The following MUSK variants were observed in gnomAD, a reference collection of about 807,000 sequenced individuals.
The protein encoded by MUSK is muscle associated receptor tyrosine kinase, also known as muscle, skeletal receptor tyrosine-protein kinase.
MUSK carries 55 observed loss-of-function variants against 88.7 expected under a neutral mutation model. That is an observed-to-expected ratio of 0.62 (90% CI 0.50 to 0.78). The LOEUF (loss-of-function observed/expected upper bound fraction) is 0.78. Among genes scored for constraint, MUSK ranks in the 30% least tolerant of loss-of-function variants. The probability of loss-of-function intolerance (pLI) is 0.00; values close to 1 mark genes in which losing one functional copy is unlikely to be tolerated. For missense variants in MUSK, 1,015 were observed against 1,074.3 expected, an observed-to-expected ratio of 0.94 and a Z score of 0.77; for synonymous variants, 387 against 391.9, an observed-to-expected ratio of 0.99 and a Z score of 0.15.
In MUSK at chr9:110,717,175, T is replaced by G. The variant is rs760427801; in HGVS notation, c.629-17076T>G. Among the ~76,000 whole-genome samples the G allele has an allele frequency of 1.0e-4, 15 of 149,864 alleles. 1 individual carries two copies. Among genetic ancestry groups the G allele is most frequent in the Non-Finnish European group, 2.2e-4 (15 of 67,864 alleles). On this transcript the variant is annotated intron_variant, in intron 5 of 14. Transcript: ENST00000374448. Reference sequence around the variant, plus strand: ...CATGTATTATGCTGTTTCTTTTCTCTGCTTCTTTTTTTAATTCCTTTTCTG... The same window carrying G: ...CATGTATTATGCTGTTTCTTTTCTCGGCTTCTTTTTTTAATTCCTTTTCTG...
intron 3 of MUSK, among the ~76,000 whole-genome samples, chr9:110,689,674 T>TATAATATATAACTATATATATATAA (rs370936018): frequency 0.01 from 731 of 72,362 alleles, 27 homozygotes; most frequent in East Asian, 0.049. Flanking sequence ...CATAGTATAT[T>TATAATATATAACTATATATATATAA]ATATATAACT....
chr9:110,760,138 T>C (rs1268943338), intron 7 of MUSK, among the ~76,000 whole-genome samples: 1 of 152,222 alleles, frequency 6.6e-6, no homozygotes, highest in Non-Finnish European at 1.5e-5. Flanking sequence ...TCAACCACTG[T>C]GGAAAGCAGT....
At chr9:110,723,964 T>G (rs922993337) in intron 5 of MUSK, among the ~76,000 whole-genome samples, 1 of 152,008 alleles carries the variant, frequency 6.6e-6, no homozygotes, top group Non-Finnish European at 1.5e-5. Flanking sequence ...TTAGTTAATC[T>G]TTCACATTTC....
chr9:110,803,255 C>T lies in MUSK; in HGVS notation c.*2267C>T, dbSNP rs983972343. Among the ~76,000 whole-genome samples the T allele has an allele frequency of 6.6e-6, 1 of 152,162 alleles. No individual in the cohort carries two copies. Among genetic ancestry groups the T allele is most frequent in the African/African-American group, 2.4e-5 (1 of 41,444 alleles). The stretch of plus-strand genomic sequence containing the variant: ...GGCCTTTAAATATATGAACTTAAAC[C>T]TCACAACATCCCTGTAATGTTGGTA... On this transcript the variant is annotated 3_prime_UTR_variant, in exon 15 of 15. Coordinates refer to ENST00000374448, the MANE Select transcript of MUSK (RefSeq NM_005592.4).
intron 5 of MUSK, among the ~76,000 whole-genome samples, chr9:110,705,014 A>G (rs2076578398): frequency 6.6e-6 from 1 of 151,554 alleles, no homozygotes; most frequent in Admixed American, 6.6e-5. Flanking sequence ...AAAGAAAATT[A>G]TATGGGGGGT....
At chr9:110,695,610 T>C (rs2131714690) in intron 4 of MUSK, 80 bp downstream of exon 4, 1 of 1,161,824 alleles carries the variant, frequency 8.6e-7, no homozygotes, top group Non-Finnish European at 1.2e-6. Flanking sequence ...AGTTACACAC[T>C]TACAAACTTC....
chr9:110,689,097 AAT>A (rs1034497372), intron 3 of MUSK, among the ~76,000 whole-genome samples: 19 of 137,220 alleles, frequency 1.4e-4, no homozygotes, highest in African/African-American at 3.5e-4. Flanking sequence ...TTTACATTTA[AAT>A]ATATAGTTTT....
At chr9:110,682,848 T>A (rs1034816155) in intron 2 of MUSK, 48 bp downstream of exon 2, 6 of 1,323,630 alleles carry the variant, frequency 4.5e-6, no homozygotes, top group Non-Finnish European at 6.4e-6. Context: ...GGGTATATAG[T>A]AGGTGTATAT....
intron 5 of MUSK, among the ~76,000 whole-genome samples, chr9:110,725,639 C>T (rs1269293231): frequency 6.6e-6 from 1 of 151,920 alleles, no homozygotes. Context: ...TGGCAAATAA[C>T]TTGTTTAACA....
intron 7 of MUSK, among the ~76,000 whole-genome samples, chr9:110,750,166 C>T (rs2077229952): frequency 6.6e-6 from 1 of 152,160 alleles, no homozygotes; most frequent in Admixed American, 6.5e-5. Flanking sequence ...CCTGCACTTT[C>T]ACTGGCAGAA....
Position 110,761,567 on chromosome 9 carries a change from CTTTTTTT to C in MUSK, c.914-615_914-609del, listed in dbSNP as rs1168716499. Among the ~76,000 whole-genome samples the C allele has an allele frequency of 7.6e-5, 4 of 52,734 alleles. No individual in the cohort carries two copies. The East Asian group carries it at 1.9e-3, about 25-fold the overall frequency. The allele number at this position is 52,734 out of a possible 152,430, so 34.6% of individuals were successfully genotyped here. A position where few individuals can be genotyped will look rare whatever the true frequency, so the allele number is the denominator to read the frequency against. On this transcript the variant is annotated intron_variant, in intron 7 of 14. Coordinates refer to ENST00000374448, the MANE Select transcript of MUSK (RefSeq NM_005592.4). ...CTTCTCTGTTAACCTCCACATCTTG[CTTTTTTT>C]TTTTTTTTTTTTTTTTTTTGAGACG...
At chr9:110,729,044 C>T (rs904200340) in intron 5 of MUSK, among the ~76,000 whole-genome samples, 2 of 151,180 alleles carry the variant, frequency 1.3e-5, no homozygotes, top group Non-Finnish European at 3.0e-5. Context: ...AGAAAGATAC[C>T]CTTTGACTAA....
At chr9:110,728,528 T>C (rs2076918387) in intron 5 of MUSK, among the ~76,000 whole-genome samples, 1 of 152,132 alleles carries the variant, frequency 6.6e-6, no homozygotes, top group African/African-American at 2.4e-5. Flanking sequence ...CAGTTTTCCT[T>C]GATTGCATTT....
chr9:110,775,822 G>T lies in MUSK; in HGVS notation c.1219G>T (p.Ala407Ser). The T allele has an allele frequency of 1.9e-6, 3 of 1,613,754 alleles. No homozygotes were observed. Among genetic ancestry groups the T allele is most frequent in the Non-Finnish European group, 2.5e-6 (3 of 1,179,796 alleles). The change falls in exon 10 of 15, where the codon GCA (alanine) becomes TCA (serine). Residue 407 changes from alanine to serine, a missense_variant. Ala to Ser is a moderately conservative substitution (Grantham distance 99). Coordinates refer to ENST00000374448, the MANE Select transcript of MUSK (RefSeq NM_005592.4). ...YCLAVKELFC[A>S]KEWLVMEEKT... Reference sequence around the variant, plus strand: ...CTTGGCAGTAAAGGAGCTCTTCTGCGCAAAAGAATGGCTGGTAATGGAAGA... The same window carrying T: ...CTTGGCAGTAAAGGAGCTCTTCTGCTCAAAAGAATGGCTGGTAATGGAAGA...
chr9:110,687,084 C>G (rs139108780), intron 2 of MUSK, 33 bp from the exon 3 acceptor site: 1,483 of 1,597,454 alleles, frequency 9.3e-4, no homozygotes, highest in Non-Finnish European at 1.2e-3. Context: ...ACAGAGGAAG[C>G]ACTAATCTGT....
chr9:110,723,152 T>C (rs1369448324), intron 5 of MUSK, among the ~76,000 whole-genome samples: 1 of 151,034 alleles, frequency 6.6e-6, no homozygotes, highest in African/African-American at 2.4e-5. Context: ...AATCAACCAG[T>C]GGATAAAGAA....
rs2076149895 is a variant in MUSK, at chr9:110,682,820, A to T, written c.206+20A>T. The T allele has an allele frequency of 6.3e-7, 1 of 1,584,374 alleles. No individual in the cohort carries two copies. The highest frequency in any genetic ancestry group is 8.6e-7 in the Non-Finnish European group (1 of 1,158,900). The stretch of plus-strand genomic sequence containing the variant: ...CATTAAGTAAGTATTCCACATTTTA[A>T]TTTTTTTAAATTTTTGTGGGTATAT... On this transcript the variant is annotated intron_variant, in intron 2 of 14. Coordinates refer to ENST00000374448, the MANE Select transcript of MUSK (RefSeq NM_005592.4).
intron 5 of MUSK, among the ~76,000 whole-genome samples, chr9:110,714,516 G>A (rs1332607729): frequency 6.6e-6 from 1 of 152,114 alleles, no homozygotes. Context: ...GAGCCACAGT[G>A]GGTAAACCTC....
chr9:110,722,698 G>GAA (rs150398315), intron 5 of MUSK, among the ~76,000 whole-genome samples: 6 of 148,722 alleles, frequency 4.0e-5, no homozygotes, highest in African/African-American at 9.9e-5. Context: ...GAAACAGCAA[G>GAA]AAAAAAAAAA....
Sources: allele counts gnomAD v4.1 joint callset (sites outside exome capture counted in the v4.1 genomes callset), GRCh38; gene constraint gnomAD v4.1.1; transcripts MANE v1.5; gene names NCBI Gene and HGNC (gene_info 2026-07-23, HGNC 2026-07-21).